Variants in MAGI1 observed in about 807,000 individuals in gnomAD.
MAGI1 encodes the protein membrane associated guanylate kinase, WW and PDZ domain containing 1.
Under a neutral mutation model 139.9 loss-of-function variants are expected in MAGI1, and 58 were observed. That is an observed-to-expected ratio of 0.41 (90% CI 0.34 to 0.52). MAGI1 has a LOEUF of 0.52. Ranked by LOEUF, MAGI1 falls within the 20% of genes least tolerant of loss-of-function variation. The pLI is 0.12. For synonymous variants in MAGI1, 812 were observed against 737.9 expected, an observed-to-expected ratio of 1.10 and a Z score of -1.63; for missense variants, 1,874 against 1,901.6, an observed-to-expected ratio of 0.99 and a Z score of 0.27.
chr3:65,837,967 G>A (rs950667654), intron 1 of MAGI1, among the ~76,000 whole-genome samples: 3 of 152,156 alleles, frequency 2.0e-5, no homozygotes, highest in African/African-American at 7.2e-5. Flanking sequence ...GAGAAGTTGT[G>A]CATACCCTTC....
chr3:65,722,451 T>A (rs1005684177), intron 1 of MAGI1, among the ~76,000 whole-genome samples: 7 of 148,950 alleles, frequency 4.7e-5, no homozygotes, highest in Admixed American at 2.7e-4. Context: ...CTTGGCAACA[T>A]GGCAAAACCT....
chr3:65,956,004 G>A (rs529625268), intron 1 of MAGI1, among the ~76,000 whole-genome samples: 13 of 152,164 alleles, frequency 8.5e-5, no homozygotes, highest in Admixed American at 4.6e-4. Flanking sequence ...GCCCTGGGCC[G>A]AAGGAGTGTT....
chr3:65,435,935 G>C (rs942899275), intron 10 of MAGI1, among the ~76,000 whole-genome samples: 8 of 152,114 alleles, frequency 5.3e-5, no homozygotes, highest in Non-Finnish European at 1.0e-4. Flanking sequence ...CTGTGAGAGA[G>C]GGGAAGGTAA....
chr3:65,914,018 A>T (rs2061784580), intron 1 of MAGI1: 1 of 152,230 alleles, frequency 6.6e-6, no homozygotes, highest in Non-Finnish European at 1.5e-5. Flanking sequence ...AAGGAAGAAA[A>T]GAGGATCTTA....
At chr3:66,018,551 T>C (rs915003595) in intron 1 of MAGI1, among the ~76,000 whole-genome samples, 17 of 152,074 alleles carry the variant, frequency 1.1e-4, no homozygotes, top group African/African-American at 2.7e-4. Flanking sequence ...GGTGAAGGAA[T>C]TGAAAATAGG....
chr3:65,856,740 A>G (rs2059388713), intron 1 of MAGI1, among the ~76,000 whole-genome samples: 1 of 152,192 alleles, frequency 6.6e-6, no homozygotes. Flanking sequence ...GATGCCTGGG[A>G]CACTGAAGTT....
chr3:65,356,865 GGC>G lies in MAGI1; in HGVS notation c.3900_3901del (p.Pro1301GlyfsTer156). On this transcript the variant is annotated frameshift_variant, in exon 23 of 23. Transcript: ENST00000402939. LOFTEE classifies it low-confidence loss of function (END_TRUNC). Reference sequence around the variant, plus strand: ...GGCCTGCGCGTCCCTCCGTCCCTCCGGCGCCCGGTCCTTGGGTCGGCATGCCC... The same window carrying G: ...GGCCTGCGCGTCCCTCCGTCCCTCCGGCCCGGTCCTTGGGTCGGCATGCCC... 1 of 1,614,088 alleles carries G rather than the reference GGC, an allele frequency of 6.2e-7. No homozygotes were observed. The highest frequency in any genetic ancestry group is 8.5e-7 in the Non-Finnish European group (1 of 1,179,944).
Position 65,470,496 on chromosome 3 carries a change from T to C in MAGI1, c.758-12A>G. The C allele has an allele frequency of 5.7e-6, 9 of 1,586,038 alleles. No individual in the cohort carries two copies. Among genetic ancestry groups the C allele is most frequent in the African/African-American group, 1.4e-5 (1 of 73,470 alleles). On this transcript the variant is annotated splice_polypyrimidine_tract_variant and intron_variant, in intron 4 of 22. Transcript: ENST00000402939. The stretch of plus-strand genomic sequence containing the variant: ...TTCACCAGAATCGGCTGCTTAATCA[T>C]GTGAAGAGGTGAGAGAGAGAGAGAG...
At chr3:65,763,068 G>C (rs1263554876) in intron 1 of MAGI1, among the ~76,000 whole-genome samples, 1 of 152,136 alleles carries the variant, frequency 6.6e-6, no homozygotes, top group Non-Finnish European at 1.5e-5. Context: ...CAGTGCAAGA[G>C]GCTCTCTGAC....
At chr3:65,711,548 T>TA (rs2031422641) in intron 1 of MAGI1, among the ~76,000 whole-genome samples, 1 of 152,190 alleles carries the variant, frequency 6.6e-6, no homozygotes, top group South Asian at 2.1e-4. Flanking sequence ...ATTCATCTGC[T>TA]AAAATCCTAA....
chr3:65,508,589 ATTACT>A (rs1299720427), intron 2 of MAGI1, among the ~76,000 whole-genome samples: 1 of 152,124 alleles, frequency 6.6e-6, no homozygotes, highest in Non-Finnish European at 1.5e-5. Context: ...AGACAGTCAC[ATTACT>A]TTAAGCCTAT....
At chr3:66,023,062 G>A (rs545910574) in intron 1 of MAGI1, among the ~76,000 whole-genome samples, 1 of 152,164 alleles carries the variant, frequency 6.6e-6, no homozygotes, top group African/African-American at 2.4e-5. Flanking sequence ...GGGACTTCTG[G>A]GTGCTCCAAA....
intron 15 of MAGI1, 22 bp downstream of exon 15, chr3:65,383,510 G>C (rs1356062234): frequency 6.4e-7 from 1 of 1,569,862 alleles, no homozygotes; most frequent in East Asian, 2.2e-5. Flanking sequence ...ATGCTGGGAA[G>C]AGAGACAAGC....
At chr3:65,857,561 C>T (rs1326431971) in intron 1 of MAGI1, among the ~76,000 whole-genome samples, 1 of 152,172 alleles carries the variant, frequency 6.6e-6, no homozygotes, top group Non-Finnish European at 1.5e-5. Context: ...GAGCTAATCG[C>T]TCAGGCTGCC....
At chr3:66,010,510 A>T (rs558605816) in intron 1 of MAGI1, among the ~76,000 whole-genome samples, 1 of 152,296 alleles carries the variant, frequency 6.6e-6, no homozygotes, top group East Asian at 1.9e-4. Flanking sequence ...AAAGAATCTG[A>T]TCCTCTGACC....
chr3:65,984,601 C>T (rs1043490608), intron 1 of MAGI1, among the ~76,000 whole-genome samples: 1 of 151,056 alleles, frequency 6.6e-6, no homozygotes, highest in Admixed American at 6.6e-5. Flanking sequence ...ACGATCACCA[C>T]TCACTGCAGC....
In MAGI1 at chr3:65,710,681, A is replaced by G. The variant is rs533485661; in HGVS notation, c.314-88593T>C. Among the ~76,000 whole-genome samples, 15 of 152,334 alleles carry G rather than the reference A, an allele frequency of 9.8e-5. No homozygotes were observed. The East Asian group carries it at 2.9e-3, about 29-fold the overall frequency. ...CGAGGTAGACAATGCAGATAGATAC[A>G]GTGATTCTCATTCCACACGTGAAGA... On this transcript the variant is annotated intron_variant, in intron 1 of 22. Transcript: ENST00000402939.
chr3:65,465,442 T>C (rs1950107579), intron 5 of MAGI1, among the ~76,000 whole-genome samples: 1 of 152,036 alleles, frequency 6.6e-6, no homozygotes, highest in Non-Finnish European at 1.5e-5. Flanking sequence ...GCAAATTTTC[T>C]TAGTTTTCTT....
intron 1 of MAGI1, among the ~76,000 whole-genome samples, chr3:65,846,308 T>C (rs1267187391): frequency 6.6e-6 from 1 of 152,226 alleles, no homozygotes; most frequent in Non-Finnish European, 1.5e-5. Context: ...AGCCCTTATG[T>C]AGTGCGGTCT....
Sources: gnomAD v4.1 joint callset for allele counts (sites outside exome capture counted in the v4.1 genomes callset) on GRCh38, gnomAD v4.1.1 for gene constraint, MANE v1.5 for transcripts, NCBI Gene and HGNC (gene_info 2026-07-23, HGNC 2026-07-21) for gene names.